DOCK3: variants seen among roughly 807,000 people sequenced by gnomAD.
The protein encoded by DOCK3 is dedicator of cytokinesis protein 3.
In DOCK3, 60 loss-of-function variants were observed where a neutral mutation model predicts 265.6. That is an observed-to-expected ratio of 0.23 (90% confidence interval 0.18 to 0.28). DOCK3 has a LOEUF of 0.28. Ranked by LOEUF, DOCK3 falls within the 10% of genes least tolerant of loss-of-function variation. The probability of loss-of-function intolerance (pLI) is 1.00; values close to 1 mark genes in which losing one functional copy is unlikely to be tolerated. For synonymous variants in DOCK3, 881 were observed against 938.0 expected, an observed-to-expected ratio of 0.94 and a Z score of 1.11; for missense variants, 1,981 against 2,594.3, an observed-to-expected ratio of 0.76 and a Z score of 5.14.
At chr3:51,026,572 T>C (rs1397432918) in intron 5 of DOCK3, among the ~76,000 whole-genome samples, 1 of 152,128 alleles carries the variant, frequency 6.6e-6, no homozygotes, top group Non-Finnish European at 1.5e-5. Flanking sequence ...AGCTCTTTTT[T>C]TGTGTATCTG....
At chr3:50,877,000 T>C (rs2047734586) in intron 3 of DOCK3, 2 of 159,544 alleles carry the variant, frequency 1.3e-5, no homozygotes, top group Non-Finnish European at 1.4e-5. Flanking sequence ...CTGTATTTTA[T>C]GTGTGGCCCA....
At chr3:50,691,355 G>C (rs2035231255) in intron 1 of DOCK3, among the ~76,000 whole-genome samples, 1 of 151,982 alleles carries the variant, frequency 6.6e-6, no homozygotes, top group Admixed American at 6.6e-5. Flanking sequence ...TTAGCATGAG[G>C]TCTTCAGGGT....
intron 4 of DOCK3, among the ~76,000 whole-genome samples, chr3:50,906,372 G>T (rs529291335): frequency 1.3e-5 from 2 of 151,980 alleles, no homozygotes; most frequent in African/African-American, 4.8e-5. Context: ...GGTCAAATTT[G>T]GCTGTGAATC....
chr3:51,249,374 TG>T (rs1164571310), intron 22 of DOCK3, among the ~76,000 whole-genome samples: 7 of 95,908 alleles, frequency 7.3e-5, no homozygotes, highest in South Asian at 3.5e-4. Flanking sequence ...GGGAGGGAGG[TG>T]GGGGGGTTAG....
chr3:50,728,754 G>A (rs2037996771), intron 1 of DOCK3, among the ~76,000 whole-genome samples: 1 of 145,692 alleles, frequency 6.9e-6, no homozygotes, highest in Non-Finnish European at 1.5e-5. Flanking sequence ...ATGGATTCTT[G>A]CTCTGTTGCC....
At chr3:51,312,394 T>C in intron 29 of DOCK3, 82 bp from the exon 30 acceptor site, 1 of 1,166,218 alleles carries the variant, frequency 8.6e-7, no homozygotes, top group Non-Finnish European at 1.3e-6. Context: ...ATGGGTTCTA[T>C]GCTACATGCA....
chr3:50,889,066 G>GGTGT (rs36180907), intron 3 of DOCK3, among the ~76,000 whole-genome samples: 13,123 of 134,128 alleles, frequency 0.098, 709 homozygotes, highest in East Asian at 0.17. Context: ...TTAAGCCATG[G>GGTGT]GTGTGTGTGT....
chr3:50,679,823 C>T (rs1407318945), intron 1 of DOCK3, among the ~76,000 whole-genome samples: 1 of 152,156 alleles, frequency 6.6e-6, no homozygotes, highest in African/African-American at 2.4e-5. Flanking sequence ...AGACCTATGA[C>T]TTTATTTTGT....
chr3:51,160,956 A>G (rs1007371391), intron 12 of DOCK3, among the ~76,000 whole-genome samples: 6 of 151,884 alleles, frequency 4.0e-5, no homozygotes, highest in South Asian at 4.2e-4. Flanking sequence ...CGTGCCTGTA[A>G]TCCCAGCTAC....
chr3:51,019,823 C>T lies in DOCK3; in HGVS notation c.316-44625C>T, dbSNP rs767271408. On this transcript the variant is annotated intron_variant, in intron 5 of 52. Transcript: ENST00000266037. ...ACATGATCTCGTTTCTTTTGTATGG[C>T]TGCATAGTATTCCATGGTGTATATA... 1.6e-4 allele frequency among the ~76,000 whole-genome samples: 24 copies of T among 151,890 alleles called. 1 individual carries two copies. The highest frequency in any genetic ancestry group is 3.2e-4 in the Non-Finnish European group (22 of 68,034).
intron 22 of DOCK3, among the ~76,000 whole-genome samples, chr3:51,250,008 C>A (rs1406003891): frequency 2.0e-5 from 3 of 151,872 alleles, no homozygotes; most frequent in Non-Finnish European, 4.4e-5. Flanking sequence ...CGTGCTGTGT[C>A]CACTCAGAGT....
At chr3:51,135,212 T>G (rs536686349) in intron 9 of DOCK3, among the ~76,000 whole-genome samples, 6 of 152,218 alleles carry the variant, frequency 3.9e-5, no homozygotes, top group African/African-American at 1.4e-4. Flanking sequence ...CTGGTTGATA[T>G]AACCACATCC....
At chr3:50,998,733 T>G (rs1417309622) in intron 5 of DOCK3, among the ~76,000 whole-genome samples, 2 of 152,224 alleles carry the variant, frequency 1.3e-5, no homozygotes, top group Non-Finnish European at 2.9e-5. Flanking sequence ...AATATTATGT[T>G]ATGGCTTTTT....
At chr3:50,816,969 C>T (rs1183369353) in intron 2 of DOCK3, among the ~76,000 whole-genome samples, 4 of 152,082 alleles carry the variant, frequency 2.6e-5, no homozygotes, top group African/African-American at 9.7e-5. Flanking sequence ...AATCCATAGA[C>T]TCGCCCTAAA....
chr3:50,701,758 T>A (rs1044468907), intron 1 of DOCK3, among the ~76,000 whole-genome samples: 16 of 152,316 alleles, frequency 1.1e-4, no homozygotes, highest in Admixed American at 3.9e-4. Context: ...GAGAGACAGG[T>A]GTCTAGTTTC....
chr3:51,308,549 C>A (rs1331688714), intron 27 of DOCK3, among the ~76,000 whole-genome samples: 1 of 151,898 alleles, frequency 6.6e-6, no homozygotes, highest in Non-Finnish European at 1.5e-5. Flanking sequence ...GGTCATAGAT[C>A]AACAGGATCC....
At chr3:51,002,171 A>C (rs111916801) in intron 5 of DOCK3, among the ~76,000 whole-genome samples, 1 of 151,610 alleles carries the variant, frequency 6.6e-6, no homozygotes, top group African/African-American at 2.4e-5. Context: ...CTGATTTCAA[A>C]CTCCTGGCCT....
chr3:51,270,200 A>G (rs1019035089), intron 23 of DOCK3, among the ~76,000 whole-genome samples: 2 of 152,232 alleles, frequency 1.3e-5, no homozygotes, highest in African/African-American at 4.8e-5. Flanking sequence ...ATGGCTAACT[A>G]AATACACACA....
At position 51,357,812 on chromosome 3, in the gene DOCK3, A is replaced by G; in HGVS notation, c.4738A>G (p.Thr1580Ala). Residue 1580 changes from threonine (T) to alanine (A), a missense_variant, in exon 45 of 53, where the codon ACC becomes GCC. Thr to Ala is a moderately conservative substitution (Grantham distance 58). Transcript: ENST00000266037. Reference sequence around the variant, plus strand: ...GCACCCAGGAGATGCTGAGAAGATCACCCAGCTCAAGGAGCTTATGCAGGA... The same window carrying G: ...GCACCCAGGAGATGCTGAGAAGATCGCCCAGCTCAAGGAGCTTATGCAGGA... Reference protein sequence around the residue: ...NKHPGDAEKITQLKELMQEQV... With the variant: ...NKHPGDAEKIAQLKELMQEQV... 1 of 1,613,976 alleles carries G rather than the reference A, an allele frequency of 6.2e-7. No individual in the cohort carries two copies. The highest frequency in any genetic ancestry group is 8.5e-7 in the Non-Finnish European group (1 of 1,179,880).
Sources: gnomAD v4.1 joint callset for allele counts (sites outside exome capture counted in the v4.1 genomes callset) on GRCh38, gnomAD v4.1.1 for gene constraint, MANE v1.5 for transcripts, NCBI Gene and HGNC (gene_info 2026-07-23, HGNC 2026-07-21) for gene names.